FRMD5: variants seen among roughly 807,000 people sequenced by gnomAD.
FRMD5 encodes the protein FERM domain-containing protein 5.
FRMD5 carries 20 observed loss-of-function variants against 69.0 expected under a neutral mutation model. The ratio of observed to expected loss-of-function variants is 0.29; its 90% confidence interval spans 0.20 to 0.42. The LOEUF (loss-of-function observed/expected upper bound fraction) is 0.42, where lower values mean the gene tolerates loss of function less well. FRMD5 is among the 10% of genes least tolerant of loss of function. The pLI, the probability that FRMD5 is intolerant of heterozygous loss-of-function variation, is 1.00. For synonymous variants in FRMD5, 271 were observed against 260.1 expected (o/e 1.04, Z -0.40); for missense variants, 595 against 708.6 (o/e 0.84, Z 1.82).
intron 1 of FRMD5, among the ~76,000 whole-genome samples, chr15:44,080,339 C>A (rs1893947392): frequency 6.6e-6 from 1 of 152,076 alleles, no homozygotes. Context: ...GTATATATAA[C>A]AATGATCAGT....
chr15:44,120,689 AT>A (rs5812266), intron 1 of FRMD5, among the ~76,000 whole-genome samples: 1 of 148,448 alleles, frequency 6.7e-6, no homozygotes, highest in Non-Finnish European at 1.5e-5. Context: ...CGCCCAGCTA[AT>A]TTTTTTTTTT....
At chr15:44,133,838 G>A (rs1002749907) in intron 1 of FRMD5, among the ~76,000 whole-genome samples, 1 of 151,930 alleles carries the variant, frequency 6.6e-6, no homozygotes, top group African/African-American at 2.4e-5. Context: ...ACATATTAAA[G>A]TTTAAGAGTT....
intron 1 of FRMD5, among the ~76,000 whole-genome samples, chr15:43,955,672 T>G (rs904247622): frequency 6.6e-6 from 1 of 152,234 alleles, no homozygotes; most frequent in Non-Finnish European, 1.5e-5. Flanking sequence ...AATTTCTTAA[T>G]ACATTTCATA....
Position 43,880,247 on chromosome 15 carries a change from T to C in FRMD5, c.1135+3456A>G, listed in dbSNP as rs116564957. 6.8e-3 allele frequency among the ~76,000 whole-genome samples: 1,039 copies of C among 152,286 alleles called. 14 individuals are homozygous for C. The highest frequency in any genetic ancestry group is 0.023 in the African/African-American group (959 of 41,542). Reference sequence around the variant, plus strand: ...TCTCTGTGATACTAAATGGGCCAAATGGACTATAGAAAAGAAAGTCTTTGG... The same window carrying C: ...TCTCTGTGATACTAAATGGGCCAAACGGACTATAGAAAAGAAAGTCTTTGG... On this transcript the variant is annotated intron_variant, in intron 13 of 13. Coordinates refer to ENST00000417257, the MANE Select transcript of FRMD5 (RefSeq NM_032892.5).
chr15:44,066,283 G>A lies in FRMD5; in HGVS notation c.102+128670C>T, dbSNP rs74419495. 6.4e-4 allele frequency among the ~76,000 whole-genome samples: 98 copies of A among 152,324 alleles called. 2 individuals carry two copies. The East Asian group carries it at 0.019, about 29-fold the overall frequency. On this transcript the variant is annotated intron_variant, in intron 1 of 13. Transcript: ENST00000417257. ...CTACTAGCTCTGGGTGGCTGCTGGA[G>A]AGGTCCACAGATAGGTAAGTCTCTG...
chr15:43,908,357 G>A (rs1027504504), intron 5 of FRMD5, among the ~76,000 whole-genome samples: 7 of 151,898 alleles, frequency 4.6e-5, no homozygotes, highest in Non-Finnish European at 8.8e-5. Context: ...AAATTCAAAG[G>A]GGCATCTTTG....
At position 43,873,908 on chromosome 15, in the gene FRMD5, C is replaced by T. The variant is rs1382211290; in HGVS notation, c.1690G>A (p.Val564Met). 1 of 1,613,970 alleles carries T rather than the reference C, an allele frequency of 6.2e-7. No homozygotes were observed. The highest frequency in any genetic ancestry group is 1.7e-5 in the Admixed American group (1 of 59,996). ...TCTCAGGTGTCAATGAGCAGGCTCACCACTGAGCGGATTTTGCAGGCAAAC... is the reference window on the plus strand; with the variant it reads ...TCTCAGGTGTCAATGAGCAGGCTCATCACTGAGCGGATTTTGCAGGCAAAC... Reference protein sequence around the residue: ...RWFACKIRSVVSLLIDT With the variant: ...RWFACKIRSVMSLLIDT The change falls in exon 14 of 14, where the codon GTG becomes ATG. Residue 564 changes from valine to methionine, a missense_variant. By Grantham distance (21) the Val-to-Met change is conservative. Transcript: ENST00000417257.
At chr15:44,051,310 C>T (rs913994570) in intron 1 of FRMD5, among the ~76,000 whole-genome samples, 1 of 149,598 alleles carries the variant, frequency 6.7e-6, no homozygotes, top group South Asian at 2.1e-4. Flanking sequence ...CATGACCACA[C>T]TGGGCTAATT....
At chr15:43,900,084 C>T (rs1595496839) in intron 7 of FRMD5, among the ~76,000 whole-genome samples, 4 of 152,294 alleles carry the variant, frequency 2.6e-5, no homozygotes, top group Admixed American at 2.6e-4. Context: ...TTCTGATGAA[C>T]ATATCTTCAG....
intron 4 of FRMD5, among the ~76,000 whole-genome samples, chr15:43,912,113 G>A (rs997675433): frequency 7.9e-5 from 12 of 152,108 alleles, no homozygotes; most frequent in African/African-American, 2.4e-4. Context: ...AAGATCCCCA[G>A]GTGATTTGTG....
At position 43,873,595 on chromosome 15, in the gene FRMD5, A is replaced by G; in HGVS notation, c.*290T>C. The G allele has an allele frequency of 2.8e-6, 4 of 1,441,026 alleles. No homozygotes were observed. The highest frequency in any genetic ancestry group is 3.6e-6 in the Non-Finnish European group (4 of 1,103,468). 89.3% of individuals were successfully genotyped at this position (1,441,026 alleles called of 1,614,324 possible). ...ATAATATACATCTATGAAAAATCAAAATTCAAAACCAAAAATTATCCTGCA... is the reference window on the plus strand; with the variant it reads ...ATAATATACATCTATGAAAAATCAAGATTCAAAACCAAAAATTATCCTGCA... On this transcript the variant is annotated 3_prime_UTR_variant, in exon 14 of 14. Transcript: ENST00000417257.
chr15:43,875,366 ATATAT>A (rs1567202150), intron 13 of FRMD5, among the ~76,000 whole-genome samples: 66 of 79,754 alleles, frequency 8.3e-4, no homozygotes, highest in African/African-American at 2.1e-3. Context: ...AAAAAAAAAT[ATATAT>A]ATATATATAT....
intron 11 of FRMD5, 146 bp downstream of exon 11, chr15:43,885,535 G>T: frequency 1.5e-6 from 1 of 684,926 alleles, no homozygotes; most frequent in South Asian, 1.7e-5. Context: ...ATAGTAAAAG[G>T]GTCATAAGAT....
intron 1 of FRMD5, among the ~76,000 whole-genome samples, chr15:44,184,772 A>G (rs1264440106): frequency 6.6e-6 from 1 of 152,256 alleles, no homozygotes; most frequent in South Asian, 2.1e-4. Flanking sequence ...AAGTGAAAAA[A>G]AAGTAAAATT....
Position 43,873,229 on chromosome 15 carries a change from A to AGAT in FRMD5, c.*653_*655dup. ...GTCCCTTCAGATGCCCACTCTGCTC[A>AGAT]GATTTGAAAAAACAAAAGGAAAAGA... On this transcript the variant is annotated 3_prime_UTR_variant, in exon 14 of 14. Transcript: ENST00000417257. 6.5e-7 allele frequency: 1 copy of AGAT among 1,548,622 alleles called. No homozygotes were observed. Among genetic ancestry groups the AGAT allele is most frequent in the South Asian group, 1.2e-5 (1 of 83,478 alleles).
chr15:43,877,873 A>G (rs2088408248), intron 13 of FRMD5, among the ~76,000 whole-genome samples: 1 of 152,228 alleles, frequency 6.6e-6, no homozygotes, highest in African/African-American at 2.4e-5. Context: ...TTTCTAGTTC[A>G]TGATCCTGCT....
intron 1 of FRMD5, among the ~76,000 whole-genome samples, chr15:44,110,797 C>A (rs933318660): frequency 6.6e-6 from 1 of 152,192 alleles, no homozygotes; most frequent in African/African-American, 2.4e-5. Flanking sequence ...CTGAATCTCT[C>A]TAAACTTGTT....
chr15:44,023,712 A>G (rs1443465380), intron 1 of FRMD5, among the ~76,000 whole-genome samples: 1 of 152,214 alleles, frequency 6.6e-6, no homozygotes, highest in Non-Finnish European at 1.5e-5. Context: ...GGCAAACACT[A>G]AAGTCTTCAG....
chr15:43,900,735 A>G (rs1399798531), intron 7 of FRMD5, among the ~76,000 whole-genome samples: 1 of 151,366 alleles, frequency 6.6e-6, no homozygotes, highest in Non-Finnish European at 1.5e-5. Context: ...CTCCTGCCTC[A>G]GCCTCTTGAG....
Sources: gnomAD v4.1 joint callset for allele counts (sites outside exome capture counted in the v4.1 genomes callset) on GRCh38, gnomAD v4.1.1 for gene constraint, MANE v1.5 for transcripts, NCBI Gene and HGNC (gene_info 2026-07-23, HGNC 2026-07-21) for gene names.